KHDRBS2: variants seen among roughly 807,000 people sequenced by gnomAD.
KHDRBS2 encodes KH domain-containing, RNA-binding, signal transduction-associated protein 2.
Under a neutral mutation model 44.3 loss-of-function variants are expected in KHDRBS2, and 26 were observed. That is an observed-to-expected ratio of 0.59 (90% CI 0.43 to 0.81). The LOEUF (loss-of-function observed/expected upper bound fraction) is 0.81. Ranked by LOEUF, KHDRBS2 falls within the 40% of genes least tolerant of loss-of-function variation. KHDRBS2 has a pLI of 0.00. For missense variants in KHDRBS2, 476 were observed against 433.1 expected (o/e 1.10, Z -0.88); for synonymous variants, 194 against 151.1 (o/e 1.28, Z -2.08).
chr6:62,015,909 T>C (rs1263813030), intron 3 of KHDRBS2, among the ~76,000 whole-genome samples: 1 of 152,180 alleles, frequency 6.6e-6, no homozygotes, highest in Admixed American at 6.5e-5. Context: ...GCTCTGATAA[T>C]TTCAATAATT....
At chr6:62,044,695 C>T (rs1787290605) in intron 3 of KHDRBS2, among the ~76,000 whole-genome samples, 1 of 151,948 alleles carries the variant, frequency 6.6e-6, no homozygotes. Flanking sequence ...TTGTAAAGCA[C>T]ACAAGGAGCC....
At chr6:62,101,224 C>CT (rs149724399) in intron 2 of KHDRBS2, among the ~76,000 whole-genome samples, 63 of 151,386 alleles carry the variant, frequency 4.2e-4, no homozygotes, top group South Asian at 1.7e-3. Flanking sequence ...GTCCTAAAAT[C>CT]TTTTTTTTTC....
At chr6:61,833,654 A>G (rs1429080265) in intron 6 of KHDRBS2, among the ~76,000 whole-genome samples, 1 of 152,148 alleles carries the variant, frequency 6.6e-6, no homozygotes, top group Non-Finnish European at 1.5e-5. Flanking sequence ...GTTAGACAAG[A>G]CAGGCTTTAA....
intron 1 of KHDRBS2, among the ~76,000 whole-genome samples, chr6:62,192,575 A>G (rs748990109): frequency 6.6e-6 from 1 of 152,134 alleles, no homozygotes; most frequent in Non-Finnish European, 1.5e-5. Context: ...TCAGAAATCT[A>G]ATTACATTAG....
chr6:61,636,977 C>T, the KHDRBS2 span, among the ~76,000 whole-genome samples: 2 of 152,010 alleles, frequency 1.3e-5, no homozygotes, highest in African/African-American at 2.4e-5. Flanking sequence ...AATAAACATA[C>T]AAGAAGACAC....
At chr6:61,945,989 T>C (rs1813293509) in intron 4 of KHDRBS2, among the ~76,000 whole-genome samples, 1 of 152,204 alleles carries the variant, frequency 6.6e-6, no homozygotes, top group South Asian at 2.1e-4. Context: ...CTTATGTGTG[T>C]GTGCACACTC....
chr6:61,559,454 T>G, the KHDRBS2 span, among the ~76,000 whole-genome samples: 2 of 152,132 alleles, frequency 1.3e-5, no homozygotes, highest in African/African-American at 4.8e-5. Flanking sequence ...ACACCTACAA[T>G]TTTGTCATTT....
chr6:62,038,729 G>A (rs1022424002), intron 3 of KHDRBS2, among the ~76,000 whole-genome samples: 2 of 151,914 alleles, frequency 1.3e-5, no homozygotes, highest in African/African-American at 2.4e-5. Flanking sequence ...AGTTGTCTAA[G>A]TTTCTCTTTA....
intron 2 of KHDRBS2, among the ~76,000 whole-genome samples, chr6:62,074,874 A>G (rs1345597087): frequency 6.6e-6 from 1 of 151,920 alleles, no homozygotes; most frequent in East Asian, 1.9e-4. Flanking sequence ...ATTACTCAGT[A>G]AATGTATTAT....
chr6:62,064,478 A>C (rs994047568), intron 2 of KHDRBS2, among the ~76,000 whole-genome samples: 3 of 148,392 alleles, frequency 2.0e-5, no homozygotes, highest in Non-Finnish European at 3.0e-5. Flanking sequence ...ATAACGCCGC[A>C]TACCTACAAC....
chr6:61,816,729 T>A, intron 6 of KHDRBS2: 2 of 390,572 alleles, frequency 5.1e-6, no homozygotes, highest in South Asian at 3.7e-5. Flanking sequence ...TCTACTAAAA[T>A]GTAGAATGCC....
At chr6:62,006,636 G>T (rs1323570279) in intron 3 of KHDRBS2, among the ~76,000 whole-genome samples, 3 of 151,882 alleles carry the variant, frequency 2.0e-5, no homozygotes, top group Non-Finnish European at 4.4e-5. Context: ...TTGCTCATGG[G>T]TGAAATAAAA....
chr6:61,975,896 G>T (rs1562565558), intron 4 of KHDRBS2, among the ~76,000 whole-genome samples: 1 of 152,110 alleles, frequency 6.6e-6, no homozygotes, highest in Non-Finnish European at 1.5e-5. Flanking sequence ...CCTTTAAGCT[G>T]ACAGCTGGAT....
At chr6:61,945,148 T>TATAC (rs1813089360) in intron 4 of KHDRBS2, among the ~76,000 whole-genome samples, 1 of 71,450 alleles carries the variant, frequency 1.4e-5, no homozygotes, top group African/African-American at 4.9e-5. Context: ...TATATATATA[T>TATAC]ATACACACAG....
intron 5 of KHDRBS2, among the ~76,000 whole-genome samples, chr6:61,896,920 T>C (rs1416107913): frequency 4.6e-5 from 7 of 152,182 alleles, no homozygotes; most frequent in Non-Finnish European, 1.0e-4. Flanking sequence ...CTTTGGACTT[T>C]TATGACTCTG....
At chr6:61,642,528 G>A in the KHDRBS2 span, among the ~76,000 whole-genome samples, 1 of 151,128 alleles carries the variant, frequency 6.6e-6, no homozygotes, top group African/African-American at 2.4e-5. Context: ...CGGGCATGGT[G>A]GAGTGTGCCT....
At chr6:62,177,368 A>G in intron 1 of KHDRBS2, 56 bp from the exon 2 acceptor site, 1 of 1,339,576 alleles carries the variant, frequency 7.5e-7, no homozygotes, top group Non-Finnish European at 1.0e-6. Context: ...GTTATCATAA[A>G]TATGCTGAAA....
chr6:62,133,159 AT>A (rs966393768), intron 2 of KHDRBS2, among the ~76,000 whole-genome samples: 4 of 152,068 alleles, frequency 2.6e-5, no homozygotes, highest in Non-Finnish European at 5.9e-5. Context: ...GCATTTCTAG[AT>A]TTTTAGTGGG....
chr6:61,738,671 T>C (rs916291429), intron 6 of KHDRBS2, among the ~76,000 whole-genome samples: 2 of 151,822 alleles, frequency 1.3e-5, no homozygotes, highest in African/African-American at 4.8e-5. Context: ...ACGTGTGTGT[T>C]ACCATAAACA....
Sources: gnomAD v4.1 joint callset for allele counts (sites outside exome capture counted in the v4.1 genomes callset) on GRCh38, gnomAD v4.1.1 for gene constraint, MANE v1.5 for transcripts, NCBI Gene and HGNC (gene_info 2026-07-23, HGNC 2026-07-21) for gene names.